The following DNAJB7 variants were observed in gnomAD, a reference collection of about 807,000 sequenced individuals.
DNAJB7 encodes the protein DnaJ heat shock protein family (Hsp40) member B7, also known as dnaJ homolog subfamily B member 7.
A neutral mutation model predicts 1.2 loss-of-function variants in DNAJB7; 1 was observed. The observed-to-expected ratio is 0.84, with a 90% CI of 0.30 to 4.01. The LOEUF (loss-of-function observed/expected upper bound fraction) is 4.01. DNAJB7 is among the 30% of genes most tolerant of loss of function. DNAJB7 has a pLI of 0.18. For missense variants in DNAJB7, 420 were observed against 358.5 expected (o/e 1.17, Z -1.39); for synonymous variants, 128 against 127.7 (o/e 1.00, Z -0.01).
At chr22:40,861,691 GA>G in the DNAJB7 span, 3 of 1,613,924 alleles carry the variant, frequency 1.9e-6, no homozygotes, top group Middle Eastern at 1.6e-4. Flanking sequence ...TCCCTTTCAT[GA>G]AAAATTTCTT....
At chr22:40,861,666 TGAAAA>T in the DNAJB7 span, 1 of 1,614,126 alleles carries the variant, frequency 6.2e-7, no homozygotes, top group Non-Finnish European at 8.5e-7. Flanking sequence ...TTCAAAGAAG[TGAAAA>T]GAAAATGGAT....
rs181969282 is a variant in DNAJB7 at position 40,860,157 on chromosome 22, A to G, written c.*908T>C. The G allele has an allele frequency of 6.6e-6, 1 of 152,134 alleles. No homozygotes were observed. The highest frequency in any genetic ancestry group is 2.1e-4 in the South Asian group (1 of 4,812). 9.4% of individuals were successfully genotyped at this position (152,134 alleles called of 1,614,324 possible). A position where few individuals can be genotyped will look rare whatever the true frequency, so the allele number is the denominator to read the frequency against. On this transcript the variant is annotated 3_prime_UTR_variant, in exon 1 of 1. Transcript: ENST00000307221. ...AATGGCAAGATCATAGCTCCCTACAACCTCAAACTCCTGGGCTCAAGCAAT... is the reference window on the plus strand; with the variant it reads ...AATGGCAAGATCATAGCTCCCTACAGCCTCAAACTCCTGGGCTCAAGCAAT...
chr22:40,860,675 CAG>C lies in DNAJB7; in HGVS notation c.*388_*389del, dbSNP rs1368038021. On this transcript the variant is annotated 3_prime_UTR_variant, in exon 1 of 1. Transcript: ENST00000307221. ...AAATTCCTTTTTTTTTTTTTTAAGA[CAG>C]GGTCTTACTTTGTCACCCAAGCTGG... 1 of 1,191,918 alleles carries C rather than the reference CAG, an allele frequency of 8.4e-7. No homozygotes were observed. Among genetic ancestry groups the C allele is most frequent in the Admixed American group, 2.6e-5 (1 of 39,184 alleles). The allele number at this position is 1,191,918 out of a possible 1,614,324, so 73.8% of individuals were successfully genotyped here. A position where few individuals can be genotyped will look rare whatever the true frequency, so the allele number is the denominator to read the frequency against.
rs771471930 is a variant in DNAJB7 at position 40,861,222 on chromosome 22, G to T, written c.773C>A (p.Ser258Tyr). 7 of 1,614,058 alleles carry T rather than the reference G, an allele frequency of 4.3e-6. No homozygotes were observed. Among genetic ancestry groups the T allele is most frequent in the Non-Finnish European group, 5.9e-6 (7 of 1,180,012 alleles). Residue 258 changes from serine (S) to tyrosine (Y), a missense_variant, in exon 1 of 1, where the codon TCT (serine) becomes TAT (tyrosine). Physicochemically the swap from Ser to Tyr is moderately radical, Grantham distance 144. Coordinates refer to ENST00000307221, the MANE Select transcript of DNAJB7 (RefSeq NM_145174.2). The part of the protein sequence containing the change: ...SPNSHSSKHV[S>Y]QYTFVDNDEG... ...ATCATTGTCCACGAAAGTATATTGA[G>T]ATACATGTTTGGAGCTGTGAGAATT...
At position 40,861,432 on chromosome 22, in the gene DNAJB7, G is replaced by A. The variant is rs1320104618; in HGVS notation, c.563C>T (p.Thr188Ile). Reference sequence around the variant, plus strand: ...GCCATTAACGATTTTGTCTGAAGTTGTAACAGATATGTAGTTGTCCATCCC... The same window carrying A: ...GCCATTAACGATTTTGTCTGAAGTTATAACAGATATGTAGTTGTCCATCCC... ...NSGMDNYISV[T>I]TSDKIVNGRN... The change falls in exon 1 of 1, where the codon ACA becomes ATA. Residue 188 changes from threonine to isoleucine, a missense_variant. By Grantham distance (89) the Thr-to-Ile change is moderately conservative (BLOSUM62 -1). Coordinates refer to ENST00000307221, the MANE Select transcript of DNAJB7 (RefSeq NM_145174.2). 1.4e-5 allele frequency: 22 copies of A among 1,613,876 alleles called. No homozygotes were observed. Among genetic ancestry groups the A allele is most frequent in the Non-Finnish European group, 1.9e-5 (22 of 1,179,984 alleles).
Position 40,862,019 on chromosome 22 carries a change from G to C in DNAJB7, c.-25C>G, listed in dbSNP as rs763997641. 6.4e-7 allele frequency: 1 copy of C among 1,559,304 alleles called. No homozygotes were observed. Among genetic ancestry groups the C allele is most frequent in the Non-Finnish European group, 8.6e-7 (1 of 1,158,324 alleles). On this transcript the variant is annotated 5_prime_UTR_variant, in exon 1 of 1. Transcript: ENST00000307221. The stretch of plus-strand genomic sequence containing the variant: ...TGTTTTAACAGATAGTTGGAAGTGG[G>C]TGTGCTGGGTATTGAGAACCGTGGT...
chr22:40,861,361 C>G lies in DNAJB7; in HGVS notation c.634G>C (p.Glu212Gln), dbSNP rs1209712510. The change falls in exon 1 of 1, where the codon GAA (glutamate) becomes CAA (glutamine). Residue 212 changes from glutamate (E) to glutamine (Q), a missense_variant. Physicochemically the swap from Glu to Gln is conservative, Grantham distance 29 (BLOSUM62 2). Transcript: ENST00000307221. ...GTCAACTCTCCATTATCTTCAGCTT[C>G]TCTTTCTTGATCACTTTCAATAATT... Reference protein sequence around the residue: ...KKIIESDQEREAEDNGELTFF... With the variant: ...KKIIESDQERQAEDNGELTFF... 2 of 1,613,986 alleles carry G rather than the reference C, an allele frequency of 1.2e-6. No individual in the cohort carries two copies. The highest frequency in any genetic ancestry group is 1.7e-6 in the Non-Finnish European group (2 of 1,180,030).
Position 40,860,465 on chromosome 22 carries a change from A to G in DNAJB7, c.*600T>C. On this transcript the variant is annotated 3_prime_UTR_variant, in exon 1 of 1. Transcript: ENST00000307221. ...ATAATGCATCAAATGCTGTTCCTCC[A>G]TTGGAAAACAGCCATTTCATGAATA... 2.5e-6 allele frequency: 1 copy of G among 399,244 alleles called. No homozygotes were observed. The highest frequency in any genetic ancestry group is 4.3e-6 in the Non-Finnish European group (1 of 231,392). 24.7% of individuals were successfully genotyped at this position (399,244 alleles called of 1,614,324 possible). A position where few individuals can be genotyped will look rare whatever the true frequency, so the allele number is the denominator to read the frequency against.
In DNAJB7 at chr22:40,861,651, G is replaced by A. The variant is rs755649100; in HGVS notation, c.344C>T (p.Ser115Leu). The A allele has an allele frequency of 2.5e-6, 4 of 1,613,930 alleles. No individual in the cohort carries two copies. The highest frequency in any genetic ancestry group is 2.5e-6 in the Non-Finnish European group (3 of 1,180,012). The change falls in exon 1 of 1, where the codon TCG becomes TTG. Residue 115 changes from serine to leucine, a missense_variant. By Grantham distance (145) the Ser-to-Leu change is moderately radical. Coordinates refer to ENST00000307221, the MANE Select transcript of DNAJB7 (RefSeq NM_145174.2). ...DPFSFHFFEDSLEDLLNRPGS... is the reference protein window; with the variant it reads ...DPFSFHFFEDLLEDLLNRPGS... ...TGGACGATTTAACAGGTCCTCAAGC[G>A]AGTCTTCAAAGAAGTGAAAAGAAAA...
rs2057940238 is a variant in DNAJB7, at chr22:40,860,932, C to G, written c.*133G>C. 1 of 896,160 alleles carries G rather than the reference C, an allele frequency of 1.1e-6. No homozygotes were observed. Among genetic ancestry groups the G allele is most frequent in the African/African-American group, 1.7e-5 (1 of 59,402 alleles). 55.5% of individuals were successfully genotyped at this position (896,160 alleles called of 1,614,324 possible). On this transcript the variant is annotated 3_prime_UTR_variant, in exon 1 of 1. Transcript: ENST00000307221. ...CTGACATACCCATTCAAAAAAACTA[C>G]TAACCAAATGTCCACAATCCTGCTA...
chr22:40,861,167 G>A lies in DNAJB7; in HGVS notation c.828C>T (p.Asn276=), dbSNP rs1285193792. The change falls in exon 1 of 1, where the codon AAC becomes AAT. Residue 276 remains asparagine (N), a synonymous_variant. Transcript: ENST00000307221. Reference sequence around the variant, plus strand: ...CTGCTGAGAAAATAGGGGGATCTCTGTTGCTGGTAACCCAAGATATACCTC... The same window carrying A: ...CTGCTGAGAAAATAGGGGGATCTCTATTGCTGGTAACCCAAGATATACCTC... ...DEGGISWVTS[N]RDPPIFSAGV... 4 of 1,613,934 alleles carry A rather than the reference G, an allele frequency of 2.5e-6. 1 individual carries two copies. The Admixed American group carries it at 5.0e-5, about 20-fold the overall frequency.
chr22:40,861,137 G>A lies in DNAJB7; in HGVS notation c.858C>T (p.Val286=). 1 of 1,613,588 alleles carries A rather than the reference G, an allele frequency of 6.2e-7. No homozygotes were observed. The highest frequency in any genetic ancestry group is 8.5e-7 in the Non-Finnish European group (1 of 1,179,888). The part of the protein sequence containing the change: ...NRDPPIFSAG[V]KEGGKRKKKK... ...TTTTTTTCCTCTTACCACCCTCTTT[G>A]ACTCCTGCTGAGAAAATAGGGGGAT... is the stretch of plus-strand genomic sequence containing the variant. The change falls in exon 1 of 1, where the codon GTC becomes GTT. Residue 286 remains valine (V), a synonymous_variant. Coordinates refer to ENST00000307221, the MANE Select transcript of DNAJB7 (RefSeq NM_145174.2).
the DNAJB7 span, chr22:40,861,646 C>CAA: frequency 6.2e-7 from 1 of 1,614,058 alleles, no homozygotes; most frequent in East Asian, 2.2e-5. Context: ...AACAGGTCCT[C>CAA]AAGCGAGTCT....
At position 40,860,834 on chromosome 22, in the gene DNAJB7, A is replaced by G. The variant is rs2057939553; in HGVS notation, c.*231T>C. 7.9e-6 allele frequency: 5 copies of G among 636,796 alleles called. No homozygotes were observed. Among genetic ancestry groups the G allele is most frequent in the Non-Finnish European group, 1.0e-5 (4 of 387,458 alleles). The allele number at this position is 636,796 out of a possible 1,614,324, so 39.4% of individuals were successfully genotyped here. A position where few individuals can be genotyped will look rare whatever the true frequency, so the allele number is the denominator to read the frequency against. ...CTTGGCTAATTTTTAAATTTTTTGT[A>G]GAGAAAAGATCTCACTATACTGCCC... On this transcript the variant is annotated 3_prime_UTR_variant, in exon 1 of 1. Transcript: ENST00000307221.
the DNAJB7 span, chr22:40,861,517 G>A: frequency 1.2e-6 from 2 of 1,614,012 alleles, no homozygotes; most frequent in South Asian, 1.1e-5. Context: ...AATGAACCCT[G>A]TGATGTATAT....
chr22:40,860,921 CA>C lies in DNAJB7; in HGVS notation c.*143del. On this transcript the variant is annotated 3_prime_UTR_variant, in exon 1 of 1. Coordinates refer to ENST00000307221, the MANE Select transcript of DNAJB7 (RefSeq NM_145174.2). ...CTCATCCTTTTCTGACATACCCATTCAAAAAAACTACTAACCAAATGTCCAC... is the reference window on the plus strand; with the variant it reads ...CTCATCCTTTTCTGACATACCCATTCAAAAAACTACTAACCAAATGTCCAC... The C allele has an allele frequency of 2.4e-6, 2 of 824,296 alleles. No homozygotes were observed. Among genetic ancestry groups the C allele is most frequent in the Non-Finnish European group, 3.7e-6 (2 of 546,828 alleles). 51.1% of individuals were successfully genotyped at this position (824,296 alleles called of 1,614,324 possible). A position where few individuals can be genotyped will look rare whatever the true frequency, so the allele number is the denominator to read the frequency against.
Position 40,860,634 on chromosome 22 carries a change from C to A in DNAJB7, c.*431G>T, listed in dbSNP as rs1174303192. ...TAAAGAAAAATTCAAAAGTAAAAAA[C>A]TCATTGCAGTTTTCCAAATTCCTTT... On this transcript the variant is annotated 3_prime_UTR_variant, in exon 1 of 1. Coordinates refer to ENST00000307221, the MANE Select transcript of DNAJB7 (RefSeq NM_145174.2). The A allele has an allele frequency of 3.9e-6, 5 of 1,290,856 alleles. No individual in the cohort carries two copies. The highest frequency in any genetic ancestry group is 2.6e-5 in the East Asian group (1 of 38,392). 80.0% of individuals were successfully genotyped at this position (1,290,856 alleles called of 1,614,324 possible).
Position 40,861,724 on chromosome 22 carries a change from G to A in DNAJB7, c.271C>T (p.His91Tyr), listed in dbSNP as rs2057949028. The A allele has an allele frequency of 3.1e-6, 5 of 1,613,830 alleles. No individual in the cohort carries two copies. Among genetic ancestry groups the A allele is most frequent in the Non-Finnish European group, 2.5e-6 (3 of 1,179,998 alleles). The change falls in exon 1 of 1, where the codon CAT becomes TAT. Residue 91 changes from histidine to tyrosine, a missense_variant. Transcript: ENST00000307221. ...TCTTTAAAAACATCATCTGGCTTATGGAATGTGAAGCCGTACTCACATTCA... is the reference window on the plus strand; with the variant it reads ...TCTTTAAAAACATCATCTGGCTTATAGAATGTGAAGCCGTACTCACATTCA... ...DDECEYGFTF[H>Y]KPDDVFKEIF...
Position 40,860,501 on chromosome 22 carries a change from C to G in DNAJB7, c.*564G>C, listed in dbSNP as rs1291339009. ...GCCATTTCATGAATAATTGTGTAGT[C>G]TGAACCTGTGTGTCTTGATACATTC... On this transcript the variant is annotated 3_prime_UTR_variant, in exon 1 of 1. Transcript: ENST00000307221. 5 of 534,424 alleles carry G rather than the reference C, an allele frequency of 9.4e-6. No homozygotes were observed. Among genetic ancestry groups the G allele is most frequent in the Non-Finnish European group, 1.5e-5 (5 of 340,008 alleles). The allele number at this position is 534,424 out of a possible 1,614,324, so 33.1% of individuals were successfully genotyped here.
Sources: gnomAD v4.1 joint callset for allele counts on GRCh38, gnomAD v4.1.1 for gene constraint, MANE v1.5 for transcripts, NCBI Gene and HGNC (gene_info 2026-07-23, HGNC 2026-07-21) for gene names.